Variants in ACTR3C observed in about 807,000 individuals in gnomAD.
ACTR3C encodes actin related protein 3C.
A neutral mutation model predicts 26.3 loss-of-function variants in ACTR3C; 18 were observed. The observed-to-expected ratio is 0.68, with a 90% CI of 0.47 to 1.01. The LOEUF is 1.01. ACTR3C is among the 50% of genes least tolerant of loss of function. ACTR3C has a pLI of 0.00. For synonymous variants in ACTR3C, 55 were observed against 94.5 expected (o/e 0.58, Z 2.42); for missense variants, 184 against 250.7 (o/e 0.73, Z 1.80).
At chr7:150,198,848 T>G in the ACTR3C span, among the ~76,000 whole-genome samples, 2 of 126,882 alleles carry the variant, frequency 1.6e-5, no homozygotes, top group South Asian at 2.6e-4. Flanking sequence ...GTCTGGGAGG[T>G]GAGGGGCGCC....
chr7:150,234,294 T>C, the ACTR3C span, among the ~76,000 whole-genome samples: 3,623 of 152,312 alleles, frequency 0.024, 83 homozygotes, highest in East Asian at 0.082. Flanking sequence ...AGGAAGGATA[T>C]TGGTGCCCAG....
At chr7:150,045,653 A>T in the ACTR3C span, among the ~76,000 whole-genome samples, 1 of 151,692 alleles carries the variant, frequency 6.6e-6, no homozygotes, top group Non-Finnish European at 1.5e-5. Context: ...TATATCCCTG[A>T]TTTGTTTCTC....
the ACTR3C span, among the ~76,000 whole-genome samples, chr7:150,181,791 A>C: frequency 6.6e-6 from 1 of 150,612 alleles, no homozygotes; most frequent in Non-Finnish European, 1.5e-5. Flanking sequence ...ACAAATAGAA[A>C]AGGTGAGAGC....
intron 6 of ACTR3C, among the ~76,000 whole-genome samples, chr7:150,282,908 G>A (rs371329759): frequency 5.0e-4 from 73 of 147,118 alleles, no homozygotes; most frequent in African/African-American, 1.7e-3. Flanking sequence ...TCAGTGTGAT[G>A]CGGTGGGAAA....
At chr7:150,223,945 T>A in the ACTR3C span, among the ~76,000 whole-genome samples, 1 of 152,166 alleles carries the variant, frequency 6.6e-6, no homozygotes, top group Non-Finnish European at 1.5e-5. Context: ...AGAATTCAGT[T>A]CCTCAAAGGC....
the ACTR3C span, among the ~76,000 whole-genome samples, chr7:149,970,676 C>A: frequency 6.6e-6 from 1 of 151,974 alleles, no homozygotes; most frequent in African/African-American, 2.4e-5. Flanking sequence ...CACATTTAAC[C>A]AACCAACCAA....
At chr7:150,160,399 C>T in the ACTR3C span, among the ~76,000 whole-genome samples, 1 of 152,070 alleles carries the variant, frequency 6.6e-6, no homozygotes, top group African/African-American at 2.4e-5. Flanking sequence ...TTCCTCACCC[C>T]TTCTCTGAAA....
chr7:150,179,599 C>A, the ACTR3C span, among the ~76,000 whole-genome samples: 1 of 149,262 alleles, frequency 6.7e-6, no homozygotes, highest in Non-Finnish European at 1.5e-5. Context: ...AATTCTCCCA[C>A]CTTAGCCTCC....
At chr7:150,156,922 G>C in the ACTR3C span, among the ~76,000 whole-genome samples, 4 of 151,498 alleles carry the variant, frequency 2.6e-5, no homozygotes, top group African/African-American at 9.7e-5. Flanking sequence ...TTCACTGAGG[G>C]GTTGGTTAAT....
intron 6 of ACTR3C, among the ~76,000 whole-genome samples, chr7:150,267,911 T>C (rs1303654155): frequency 6.6e-6 from 1 of 152,224 alleles, no homozygotes; most frequent in Non-Finnish European, 1.5e-5. Flanking sequence ...GATTATCACG[T>C]TAAGTATGTA....
chr7:150,011,449 A>G, the ACTR3C span, among the ~76,000 whole-genome samples: 1 of 152,094 alleles, frequency 6.6e-6, no homozygotes, highest in South Asian at 2.1e-4. Flanking sequence ...GCCAGGCATG[A>G]TGGTGAGCGC....
chr7:150,178,338 A>G, the ACTR3C span, among the ~76,000 whole-genome samples: 1 of 147,498 alleles, frequency 6.8e-6, no homozygotes, highest in African/African-American at 2.6e-5. Context: ...GCTGGAGTAC[A>G]GAGGCACGAT....
At chr7:149,980,177 A>G in the ACTR3C span, among the ~76,000 whole-genome samples, 1 of 152,244 alleles carries the variant, frequency 6.6e-6, no homozygotes, top group Non-Finnish European at 1.5e-5. Context: ...AAGGAGAAAC[A>G]ACTACTCTAT....
intron 6 of ACTR3C, among the ~76,000 whole-genome samples, chr7:150,267,151 G>T (rs1281505830): frequency 6.6e-6 from 1 of 152,150 alleles, no homozygotes; most frequent in African/African-American, 2.4e-5. Flanking sequence ...CCAGCAGAAA[G>T]AAGCGTCAAA....
chr7:150,078,150 G>GC, the ACTR3C span, among the ~76,000 whole-genome samples: 1 of 152,318 alleles, frequency 6.6e-6, no homozygotes, highest in Admixed American at 6.5e-5. Context: ...TCACTAGGAT[G>GC]TTTTTCCTGG....
chr7:150,299,181 C>T (rs1211579569), intron 1 of ACTR3C, among the ~76,000 whole-genome samples: 9 of 151,484 alleles, frequency 5.9e-5, no homozygotes, highest in African/African-American at 1.7e-4. Flanking sequence ...CAGGGTTTCA[C>T]GATGTTGGCC....
At chr7:150,101,578 G>A in the ACTR3C span, among the ~76,000 whole-genome samples, 1 of 151,730 alleles carries the variant, frequency 6.6e-6, no homozygotes, top group Admixed American at 6.6e-5. Flanking sequence ...TCCCAGAGGA[G>A]AGCGGGGCTG....
chr7:150,029,038 A>C, the ACTR3C span, among the ~76,000 whole-genome samples: 29 of 151,318 alleles, frequency 1.9e-4, no homozygotes, highest in African/African-American at 7.1e-4. Context: ...GCTTCTGGGT[A>C]ATCTCTCAAT....
the ACTR3C span, among the ~76,000 whole-genome samples, chr7:150,059,720 C>T: frequency 1.3e-5 from 2 of 152,170 alleles, no homozygotes; most frequent in Admixed American, 1.3e-4. Flanking sequence ...AACCCTGTTG[C>T]CCTAAAGAGA....
Sources: gnomAD v4.1 joint callset for allele counts (sites outside exome capture counted in the v4.1 genomes callset) on GRCh38, gnomAD v4.1.1 for gene constraint, MANE v1.5 for transcripts, NCBI Gene and HGNC (gene_info 2026-07-23, HGNC 2026-07-21) for gene names.